Variants in DISC1 observed in about 807,000 individuals in gnomAD.
DISC1 encodes the protein disrupted in schizophrenia 1 protein.
A neutral mutation model predicts 84.5 loss-of-function variants in DISC1; 57 were observed. The observed-to-expected ratio is 0.67, with a 90% CI of 0.55 to 0.84. The LOEUF (loss-of-function observed/expected upper bound fraction) is 0.84. Ranked by LOEUF, DISC1 falls within the 40% of genes least tolerant of loss-of-function variation. The pLI is 0.00. For missense variants in DISC1, 1,000 were observed against 1,057.8 expected, an observed-to-expected ratio of 0.95 and a Z score of 0.76; for synonymous variants, 411 against 415.2, an observed-to-expected ratio of 0.99 and a Z score of 0.12.
Position 232,007,438 on chromosome 1 carries a change from C to A in DISC1, c.2043-1347C>A, listed in dbSNP as rs547391849. ...GCATCAGCATGACCTGGTTCTGAGA[C>A]ATGGAGTCAAAGGAGATCATTTCAG... is the stretch of plus-strand genomic sequence containing the variant. On this transcript the variant is annotated intron_variant, in intron 10 of 12. Transcript: ENST00000439617. 5.3e-5 allele frequency among the ~76,000 whole-genome samples: 8 copies of A among 152,330 alleles called. No individual in the cohort carries two copies. In the East Asian group the frequency reaches 1.5e-3, roughly 29 times the overall value.
intron 9 of DISC1, chr1:231,819,334 T>C: frequency 4.6e-6 from 1 of 216,328 alleles, no homozygotes; most frequent in Non-Finnish European, 8.0e-6. Context: ...ACTCCGTAAA[T>C]TGAAGTAAAT....
chr1:231,904,361 C>T (rs1393907144), intron 9 of DISC1, among the ~76,000 whole-genome samples: 3 of 152,044 alleles, frequency 2.0e-5, no homozygotes, highest in African/African-American at 7.2e-5. Context: ...GCAATTTAGT[C>T]CTAAATATAT....
intron 9 of DISC1, among the ~76,000 whole-genome samples, chr1:231,868,929 T>C (rs1434197363): frequency 1.3e-5 from 2 of 149,136 alleles, no homozygotes; most frequent in Non-Finnish European, 3.0e-5. Context: ...TATACATTTT[T>C]GAGAGGAGCA....
At position 231,954,347 on chromosome 1, in the gene DISC1, C is replaced by CATG. The variant is rs774654196; in HGVS notation, c.1982-4480_1982-4478dup. 1.3e-5 allele frequency among the ~76,000 whole-genome samples: 2 copies of CATG among 152,180 alleles called. No individual in the cohort carries two copies. Among genetic ancestry groups the CATG allele is most frequent in the Non-Finnish European group, 2.9e-5 (2 of 68,028 alleles). On this transcript the variant is annotated intron_variant, in intron 9 of 12. Transcript: ENST00000439617. The surrounding 1 kb of genome is among the most constrained non-coding windows in gnomAD (Gnocchi z 4.8). ...AACTCCTGTAGCATGATGTGTGTTT[C>CATG]ATGCACTCTACTGTTTTCACTGATT...
At chr1:231,923,883 T>G (rs1268177488) in intron 9 of DISC1, among the ~76,000 whole-genome samples, 1 of 152,180 alleles carries the variant, frequency 6.6e-6, no homozygotes, top group Non-Finnish European at 1.5e-5. Context: ...AGCTTCGTTT[T>G]TGGGCCAGAG....
At chr1:231,730,054 G>C (rs1409278488) in intron 3 of DISC1, among the ~76,000 whole-genome samples, 5 of 152,194 alleles carry the variant, frequency 3.3e-5, no homozygotes, top group Admixed American at 2.6e-4. Flanking sequence ...AAAAGGGTGA[G>C]AGAGCCTGTA....
chr1:231,726,768 T>A (rs1473993374), intron 3 of DISC1, among the ~76,000 whole-genome samples: 1 of 152,194 alleles, frequency 6.6e-6, no homozygotes, highest in Non-Finnish European at 1.5e-5. Context: ...AACTGCTCTG[T>A]CTTAATTCAG....
chr1:231,690,641 G>A (rs1232463389), intron 1 of DISC1, among the ~76,000 whole-genome samples: 1 of 152,204 alleles, frequency 6.6e-6, no homozygotes, highest in African/African-American at 2.4e-5. Flanking sequence ...GGTCACAGGG[G>A]ATGTCATAAG....
chr1:231,645,693 C>T (rs140030282), intron 1 of DISC1, among the ~76,000 whole-genome samples: 3 of 151,744 alleles, frequency 2.0e-5, no homozygotes, highest in Non-Finnish European at 2.9e-5. Context: ...CCCCAGTGTG[C>T]GATGTTCCCT....
chr1:231,812,702 A>G (rs896712094), intron 8 of DISC1, among the ~76,000 whole-genome samples: 1 of 152,176 alleles, frequency 6.6e-6, no homozygotes, highest in African/African-American at 2.4e-5. Context: ...CTTGGCATTT[A>G]GAAAGGGCCT....
Position 231,694,049 on chromosome 1 carries a change from C to G in DISC1, c.291C>G (p.Ser97Arg), listed in dbSNP as rs149755964. The change falls in exon 2 of 13, where the codon AGC (serine) becomes AGG (arginine). Residue 97 changes from serine (S) to arginine (R), a missense_variant. Physicochemically the swap from Ser to Arg is moderately radical, Grantham distance 110. Coordinates refer to ENST00000439617, the MANE Select transcript of DISC1 (RefSeq NM_018662.3). ...ACTCGAGAGGCCTCTTGGTCCGGAG[C>G]CCTGTTTCCAAGAGTGCAGCAGCCC... is the stretch of plus-strand genomic sequence containing the variant. ...GLDSRGLLVR[S>R]PVSKSAAAPT... 1.2e-6 allele frequency: 2 copies of G among 1,614,186 alleles called. No individual in the cohort carries two copies.
chr1:232,034,945 G>T (rs1416517000), intron 12 of DISC1, among the ~76,000 whole-genome samples: 2 of 151,724 alleles, frequency 1.3e-5, no homozygotes, highest in African/African-American at 4.8e-5. Flanking sequence ...TTCCTCCCCT[G>T]ATCACCCTCC....
At chr1:231,887,598 C>T (rs2086861645) in intron 9 of DISC1, among the ~76,000 whole-genome samples, 8 of 152,214 alleles carry the variant, frequency 5.3e-5, no homozygotes, top group Admixed American at 5.2e-4. Flanking sequence ...ATTAAGTCTA[C>T]AGGACTGGGC....
chr1:232,032,196 T>G (rs1040537350), intron 12 of DISC1, among the ~76,000 whole-genome samples: 4 of 152,300 alleles, frequency 2.6e-5, no homozygotes, highest in Admixed American at 2.6e-4. Context: ...TTTGGGATGC[T>G]CAACTTGTTC....
At position 232,008,940 on chromosome 1, in the gene DISC1, C is replaced by A; in HGVS notation, c.2198C>A (p.Pro733His). The A allele has an allele frequency of 3.1e-6, 5 of 1,613,574 alleles. No homozygotes were observed. The highest frequency in any genetic ancestry group is 4.2e-6 in the Non-Finnish European group (5 of 1,179,662). ...TTAGAGGGAGCTGCTCCTCCTATTC[C>A]CCCCAGGCTCCACTCCGAGGATAAA... ...DDLEGAAPPI[P>H]PRLHSEDKRK... Residue 733 changes from proline to histidine, a missense_variant, in exon 11 of 13, where the codon CCC becomes CAC. Pro to His is a moderately conservative substitution (Grantham distance 77). Coordinates refer to ENST00000439617, the MANE Select transcript of DISC1 (RefSeq NM_018662.3).
intron 9 of DISC1, among the ~76,000 whole-genome samples, chr1:231,923,044 G>A (rs564392966): frequency 1.3e-5 from 2 of 152,214 alleles, no homozygotes; most frequent in African/African-American, 4.8e-5. Context: ...GTGGGAGGCC[G>A]AGGCGGGCAG....
intron 3 of DISC1, among the ~76,000 whole-genome samples, chr1:231,748,582 A>G (rs915744459): frequency 3.3e-5 from 5 of 152,162 alleles, no homozygotes; most frequent in African/African-American, 1.2e-4. Flanking sequence ...CATTCCTGGG[A>G]TAAATCCCAC....
chr1:231,779,251 C>A (rs2077191776), intron 6 of DISC1, among the ~76,000 whole-genome samples: 1 of 152,172 alleles, frequency 6.6e-6, no homozygotes, highest in Non-Finnish European at 1.5e-5. Context: ...CCAGCTGTAA[C>A]TGCAGCTTTC....
chr1:231,996,240 A>C (rs1319450870), intron 10 of DISC1, among the ~76,000 whole-genome samples: 1 of 152,110 alleles, frequency 6.6e-6, no homozygotes, highest in Non-Finnish European at 1.5e-5. Flanking sequence ...TCTGGATATT[A>C]GCCATTTGTC....
Sources: allele counts gnomAD v4.1 joint callset (sites outside exome capture counted in the v4.1 genomes callset), GRCh38; gene constraint gnomAD v4.1.1; non-coding constraint Gnocchi (gnomAD v3.1); transcripts MANE v1.5; gene names NCBI Gene and HGNC (gene_info 2026-07-23, HGNC 2026-07-21).